Variants in ZFHX4 observed in about 807,000 individuals in gnomAD.
ZFHX4 encodes the protein zinc finger homeobox 4.
A neutral mutation model predicts 267.6 loss-of-function variants in ZFHX4; 56 were observed. The ratio of observed to expected loss-of-function variants is 0.21; its 90% CI spans 0.17 to 0.26. ZFHX4 has a LOEUF of 0.26. Among genes scored for constraint, ZFHX4 ranks in the 10% least tolerant of loss-of-function variants. The pLI, the probability that ZFHX4 is intolerant of heterozygous loss-of-function variation, is 1.00. For missense variants in ZFHX4, 4,332 were observed against 4,420.0 expected (o/e 0.98, Z 0.56); for synonymous variants, 1,778 against 1,665.6 (o/e 1.07, Z -1.64).
rs560910391 is a variant in ZFHX4, at chr8:76,722,813, T to G, written c.3093+14765T>G. 2.0e-5 allele frequency among the ~76,000 whole-genome samples: 3 copies of G among 152,200 alleles called. No individual in the cohort carries two copies. The South Asian group carries it at 6.2e-4, about 32-fold the overall frequency. ...ACTCTATTGGTGTTGCGTTTTGTACTTGGAGATAACTTCTGCTTTTTTATT... is the reference window on the plus strand; with the variant it reads ...ACTCTATTGGTGTTGCGTTTTGTACGTGGAGATAACTTCTGCTTTTTTATT... On this transcript the variant is annotated intron_variant, in intron 3 of 10. Coordinates refer to ENST00000651372, the MANE Select transcript of ZFHX4 (RefSeq NM_024721.5).
At position 76,706,653 on chromosome 8, in the gene ZFHX4, A is replaced by G. The variant is rs1167091141; in HGVS notation, c.2565A>G (p.Thr855=). ...ATCCATTCCAGCTGGATCCAGCGAC[A>G]GCAGCGGCTTTGGCACCAGGGCTCG... is the stretch of plus-strand genomic sequence containing the variant. ...MINPFQLDPA[T]AAALAPGLVN... The change falls in exon 2 of 11, where the codon ACA becomes ACG. Residue 855 remains threonine, a synonymous_variant. Transcript: ENST00000651372. The G allele has an allele frequency of 1.3e-6, 2 of 1,595,062 alleles. No individual in the cohort carries two copies.
At chr8:76,689,857 A>G (rs1807781483) in intron 1 of ZFHX4, among the ~76,000 whole-genome samples, 2 of 152,154 alleles carry the variant, frequency 1.3e-5, no homozygotes, top group African/African-American at 4.8e-5. Context: ...AGTCATATTT[A>G]GTAAGCAGCT....
chr8:76,696,685 A>G (rs1807966417), intron 1 of ZFHX4, among the ~76,000 whole-genome samples: 2 of 151,624 alleles, frequency 1.3e-5, no homozygotes, highest in South Asian at 4.1e-4. Flanking sequence ...AAGGCTCTTC[A>G]TAATAGCAAT....
At chr8:76,845,934 A>G (rs1663395951) in intron 6 of ZFHX4, among the ~76,000 whole-genome samples, 1 of 152,024 alleles carries the variant, frequency 6.6e-6, no homozygotes, top group Non-Finnish European at 1.5e-5. Context: ...CCTCAATAAC[A>G]CAAAATAAAT....
intron 3 of ZFHX4, among the ~76,000 whole-genome samples, chr8:76,775,895 CTT>C (rs904035424): frequency 6.0e-4 from 73 of 122,346 alleles, no homozygotes; most frequent in Non-Finnish European, 6.7e-4. Flanking sequence ...AGTAAGTTTT[CTT>C]TTTTTTTTTT....
chr8:76,750,547 A>G (rs1809586786), intron 3 of ZFHX4, among the ~76,000 whole-genome samples: 1 of 152,296 alleles, frequency 6.6e-6, no homozygotes, highest in South Asian at 2.1e-4. Context: ...GGTGTGAAAA[A>G]TGAAAGAAAT....
chr8:76,698,043 A>T (rs1213897313), intron 1 of ZFHX4, among the ~76,000 whole-genome samples: 1 of 152,132 alleles, frequency 6.6e-6, no homozygotes, highest in Non-Finnish European at 1.5e-5. Flanking sequence ...TGAAGCAATC[A>T]CTACAAAGCC....
At chr8:76,686,865 A>G (rs551991241) in intron 1 of ZFHX4, among the ~76,000 whole-genome samples, 1 of 152,284 alleles carries the variant, frequency 6.6e-6, no homozygotes, top group South Asian at 2.1e-4. Flanking sequence ...ATGAGAAGCC[A>G]GGTTAAGCTT....
chr8:76,790,621 T>G (rs1163369144), intron 4 of ZFHX4, among the ~76,000 whole-genome samples: 1 of 152,190 alleles, frequency 6.6e-6, no homozygotes, highest in Admixed American at 6.6e-5. Context: ...TGATAATATT[T>G]AATTATCTTC....
chr8:76,708,113 G>A, intron 3 of ZFHX4, 65 bp downstream of exon 3: 1 of 1,594,820 alleles, frequency 6.3e-7, no homozygotes, highest in Non-Finnish European at 8.5e-7. Flanking sequence ...TTCAGAGCTT[G>A]GAGCACAAGT....
In ZFHX4 at chr8:76,834,148, T is replaced by G. The variant is rs1461738707; in HGVS notation, c.3394+742T>G. Reference sequence around the variant, plus strand: ...TATTTATCCACCTACTGAGAACATCTTGGTTGATTCCAAGTTTTGGCAATT... The same window carrying G: ...TATTTATCCACCTACTGAGAACATCGTGGTTGATTCCAAGTTTTGGCAATT... On this transcript the variant is annotated intron_variant, in intron 5 of 10. Transcript: ENST00000651372. 3 of 451,938 alleles carry G rather than the reference T, an allele frequency of 6.6e-6. No individual in the cohort carries two copies. In the East Asian group the frequency reaches 2.1e-4, roughly 31 times the overall value. 28.0% of individuals were successfully genotyped at this position (451,938 alleles called of 1,614,324 possible). A position where few individuals can be genotyped will look rare whatever the true frequency, so the allele number is the denominator to read the frequency against.
At chr8:76,726,349 A>C (rs1808852730) in intron 3 of ZFHX4, among the ~76,000 whole-genome samples, 1 of 152,162 alleles carries the variant, frequency 6.6e-6, no homozygotes, top group South Asian at 2.1e-4. Context: ...GATGATTTTA[A>C]AACTACATTT....
chr8:76,717,304 C>T (rs185311192), intron 3 of ZFHX4, among the ~76,000 whole-genome samples: 3 of 152,168 alleles, frequency 2.0e-5, no homozygotes, highest in Admixed American at 1.3e-4. Context: ...TTTCCTCTCT[C>T]CTCCTCAAAA....
At chr8:76,814,354 A>G (rs1174749017) in intron 4 of ZFHX4, among the ~76,000 whole-genome samples, 1 of 152,222 alleles carries the variant, frequency 6.6e-6, no homozygotes, top group Non-Finnish European at 1.5e-5. Flanking sequence ...TCAATATGAT[A>G]AAAGAGAATG....
At chr8:76,811,735 A>G (rs981271309) in intron 4 of ZFHX4, among the ~76,000 whole-genome samples, 2 of 152,174 alleles carry the variant, frequency 1.3e-5, no homozygotes, top group Non-Finnish European at 2.9e-5. Context: ...TCTATGCATT[A>G]GGTTATTAGG....
intron 3 of ZFHX4, among the ~76,000 whole-genome samples, chr8:76,753,261 C>A (rs184834321): frequency 3.8e-4 from 58 of 152,232 alleles, no homozygotes; most frequent in African/African-American, 1.3e-3. Flanking sequence ...GGAATTATAT[C>A]CCCTACCTAT....
chr8:76,780,240 G>A (rs1394161442), intron 4 of ZFHX4, among the ~76,000 whole-genome samples: 1 of 152,114 alleles, frequency 6.6e-6, no homozygotes, highest in Non-Finnish European at 1.5e-5. Context: ...GTCTTACAAT[G>A]TGTTTTAAAT....
At chr8:76,701,531 G>A (rs1324579016) in intron 1 of ZFHX4, among the ~76,000 whole-genome samples, 2 of 152,094 alleles carry the variant, frequency 1.3e-5, no homozygotes, top group South Asian at 2.1e-4. Context: ...AAAAAGATCG[G>A]ATCTACTTTA....
chr8:76,801,130 G>T (rs1476596128), intron 4 of ZFHX4, among the ~76,000 whole-genome samples: 1 of 151,864 alleles, frequency 6.6e-6, no homozygotes, highest in African/African-American at 2.4e-5. Flanking sequence ...ATTGACTGGA[G>T]AGAATGGACA....
Sources: gnomAD v4.1 joint callset for allele counts (sites outside exome capture counted in the v4.1 genomes callset) on GRCh38, gnomAD v4.1.1 for gene constraint, MANE v1.5 for transcripts, NCBI Gene and HGNC (gene_info 2026-07-23, HGNC 2026-07-21) for gene names.